Variants in MAP3K3 observed in about 807,000 individuals in gnomAD.
MAP3K3 encodes the protein mitogen-activated protein kinase kinase kinase 3, also known as MAP/ERK kinase kinase 3.
In MAP3K3, 12 loss-of-function variants were observed where a neutral mutation model predicts 80.9. The ratio of observed to expected loss-of-function variants is 0.15; its 90% CI spans 0.10 to 0.24. The LOEUF (loss-of-function observed/expected upper bound fraction) is 0.24. MAP3K3 is among the 10% of genes least tolerant of loss of function. The pLI is 1.00. For synonymous variants in MAP3K3, 272 were observed against 307.1 expected (o/e 0.89, Z 1.19); for missense variants, 596 against 834.7 (o/e 0.71, Z 3.52).
At chr17:63,648,561 C>CAA (rs2034585522) in intron 3 of MAP3K3, among the ~76,000 whole-genome samples, 1 of 152,116 alleles carries the variant, frequency 6.6e-6, no homozygotes, top group African/African-American at 2.4e-5. Context: ...TGTGGTGGCT[C>CAA]ACGCCTGTAA....
intron 6 of MAP3K3, among the ~76,000 whole-genome samples, chr17:63,670,331 C>T (rs763735262): frequency 6.6e-6 from 1 of 151,946 alleles, no homozygotes; most frequent in Non-Finnish European, 1.5e-5. Flanking sequence ...GCCTGTAACC[C>T]CAGCACTTGG....
In MAP3K3 at chr17:63,692,624, T is replaced by G. The variant is rs139745782; in HGVS notation, c.1652+205T>G. 1.6e-3 allele frequency among the ~76,000 whole-genome samples: 250 copies of G among 152,338 alleles called. No individual in the cohort carries two copies. Among genetic ancestry groups the G allele is most frequent in the African/African-American group, 5.9e-3 (246 of 41,576 alleles). On this transcript the variant is annotated intron_variant, in intron 15 of 15. Coordinates refer to ENST00000361733, the MANE Select transcript of MAP3K3 (RefSeq NM_002401.5). The surrounding 1 kb of genome is among the most constrained non-coding windows in gnomAD (Gnocchi z 4.5). ...AGCACACTCCATTAGAGCTGGGAAC[T>G]TAGGCCATGGAAAACATCCCTCATG...
intron 2 of MAP3K3, among the ~76,000 whole-genome samples, chr17:63,644,691 C>T (rs1464526403): frequency 6.6e-6 from 1 of 152,176 alleles, no homozygotes; most frequent in East Asian, 1.9e-4. Flanking sequence ...GAAGTCTAGT[C>T]CCTTAATACC....
In MAP3K3 at chr17:63,691,036, G is replaced by A. The variant is rs945745738; in HGVS notation, c.1213-66G>A. The A allele has an allele frequency of 2.2e-5, 36 of 1,602,646 alleles. No individual in the cohort carries two copies. The highest frequency in any genetic ancestry group is 3.0e-5 in the Non-Finnish European group (35 of 1,173,938). On this transcript the variant is annotated intron_variant, in intron 12 of 15. Coordinates refer to ENST00000361733, the MANE Select transcript of MAP3K3 (RefSeq NM_002401.5). The surrounding 1 kb of genome is among the most constrained non-coding windows in gnomAD (Gnocchi z 4.8). The stretch of plus-strand genomic sequence containing the variant: ...GTGAGGCCACTAACTAGGGCAAGCT[G>A]AGCTGAACCCAGGCGGGCAGAACTA...
At chr17:63,681,670 C>T in intron 6 of MAP3K3, 96 bp from the exon 7 acceptor site, 1 of 1,192,298 alleles carries the variant, frequency 8.4e-7, no homozygotes, top group Non-Finnish European at 1.1e-6. Flanking sequence ...GAGTCACATT[C>T]CTGACCTCTA....
chr17:63,679,123 A>G (rs1052420992), intron 6 of MAP3K3, among the ~76,000 whole-genome samples: 1 of 151,324 alleles, frequency 6.6e-6, no homozygotes, highest in African/African-American at 2.4e-5. Context: ...CCCTCTGGCC[A>G]GGCATGGGGG....
At chr17:63,680,388 C>T (rs943024355) in intron 6 of MAP3K3, among the ~76,000 whole-genome samples, 4 of 152,108 alleles carry the variant, frequency 2.6e-5, no homozygotes, top group African/African-American at 7.2e-5. Flanking sequence ...AAGAGTCTTA[C>T]GTTTAAGTTT....
At chr17:63,625,890 G>A (rs1045977823) in intron 1 of MAP3K3, among the ~76,000 whole-genome samples, 5 of 152,126 alleles carry the variant, frequency 3.3e-5, no homozygotes, top group Admixed American at 1.3e-4. Flanking sequence ...TGGGCAACAT[G>A]GTGAAACCCT....
intron 1 of MAP3K3, among the ~76,000 whole-genome samples, chr17:63,630,882 T>C (rs1271499637): frequency 6.6e-6 from 1 of 152,176 alleles, no homozygotes; most frequent in Non-Finnish European, 1.5e-5. Flanking sequence ...CTAATTTTAC[T>C]TTCCTGAACA....
At chr17:63,636,936 G>T in intron 2 of MAP3K3, 1 of 558,966 alleles carries the variant, frequency 1.8e-6, no homozygotes, top group South Asian at 1.7e-5. Flanking sequence ...TCATCCAGCT[G>T]GACGGGCTGG....
chr17:63,658,320 CTT>C (rs1390591186), intron 5 of MAP3K3, among the ~76,000 whole-genome samples: 7 of 152,214 alleles, frequency 4.6e-5, no homozygotes, highest in Admixed American at 3.9e-4. Context: ...AACACCTTGC[CTT>C]TCCCTTGGAA....
rs574995846 is a variant in MAP3K3 at position 63,634,653 on chromosome 17, A to G, written c.126+1851A>G. Reference sequence around the variant, plus strand: ...TCCATGATTTACTTCAATGTTGTCAAACTTATGTTGCACGAAGGATACAAA... The same window carrying G: ...TCCATGATTTACTTCAATGTTGTCAGACTTATGTTGCACGAAGGATACAAA... On this transcript the variant is annotated intron_variant, in intron 2 of 15. Transcript: ENST00000361733. 2.7e-5 allele frequency: 39 copies of G among 1,435,646 alleles called. No homozygotes were observed. Among genetic ancestry groups the G allele is most frequent in the Non-Finnish European group, 3.6e-5 (37 of 1,027,844 alleles). 88.9% of individuals were successfully genotyped at this position (1,435,646 alleles called of 1,614,324 possible).
rs1293751193 is a variant in MAP3K3 at position 63,694,326 on chromosome 17, T to C, written c.*549T>C. 1.3e-5 allele frequency: 2 copies of C among 152,768 alleles called. No homozygotes were observed. Among genetic ancestry groups the C allele is most frequent in the African/African-American group, 4.8e-5 (2 of 41,440 alleles). 9.5% of individuals were successfully genotyped at this position (152,768 alleles called of 1,614,324 possible). On this transcript the variant is annotated 3_prime_UTR_variant, in exon 16 of 16. Coordinates refer to ENST00000361733, the MANE Select transcript of MAP3K3 (RefSeq NM_002401.5). ...TAGAGTCCCAGGTTGGCTCTGCCAG[T>C]CCTGTCCTTTACCAAAGATGAATGA...
At chr17:63,623,494 A>G (rs1429872431) in intron 1 of MAP3K3, among the ~76,000 whole-genome samples, 1 of 152,232 alleles carries the variant, frequency 6.6e-6, no homozygotes, top group Admixed American at 6.5e-5. Context: ...GAAATTATGT[A>G]ACTTTTGAAA....
At chr17:63,660,389 T>G (rs574951412) in intron 5 of MAP3K3, among the ~76,000 whole-genome samples, 28 of 151,552 alleles carry the variant, frequency 1.8e-4, no homozygotes, top group African/African-American at 6.0e-4. Context: ...TTTTTTTAAT[T>G]GTTTGTAGAG....
At chr17:63,625,458 T>C (rs1015668093) in intron 1 of MAP3K3, among the ~76,000 whole-genome samples, 4 of 152,196 alleles carry the variant, frequency 2.6e-5, no homozygotes, top group Non-Finnish European at 5.9e-5. Context: ...TGAAACTTTA[T>C]ATATCACTGA....
chr17:63,659,295 T>A (rs2034836064), intron 5 of MAP3K3, among the ~76,000 whole-genome samples: 1 of 152,234 alleles, frequency 6.6e-6, no homozygotes, highest in African/African-American at 2.4e-5. Flanking sequence ...AAACTGCTCC[T>A]GTTTTTTGCA....
chr17:63,683,561 T>G (rs1437957245), intron 7 of MAP3K3, among the ~76,000 whole-genome samples: 2 of 152,186 alleles, frequency 1.3e-5, no homozygotes, highest in African/African-American at 4.8e-5. Flanking sequence ...GACAGACTTT[T>G]AGAAAGAGGC....
At chr17:63,670,586 C>CA (rs756058538) in intron 6 of MAP3K3, among the ~76,000 whole-genome samples, 4,880 of 79,288 alleles carry the variant, frequency 0.062, 273 homozygotes, top group African/African-American at 0.11. Flanking sequence ...GACTCTGTCT[C>CA]AAAAAAAAAA....
Sources: allele counts gnomAD v4.1 joint callset (sites outside exome capture counted in the v4.1 genomes callset), GRCh38; gene constraint gnomAD v4.1.1; non-coding constraint Gnocchi (gnomAD v3.1); transcripts MANE v1.5; gene names NCBI Gene and HGNC (gene_info 2026-07-23, HGNC 2026-07-21).